Variants in DAB2IP observed in about 807,000 individuals in gnomAD.
DAB2IP encodes the protein DAB2 interacting protein, also known as disabled homolog 2-interacting protein.
A neutral mutation model predicts 107.2 loss-of-function variants in DAB2IP; 28 were observed. That is an observed-to-expected ratio of 0.26 (90% CI 0.19 to 0.36). The LOEUF (loss-of-function observed/expected upper bound fraction) is 0.36, where lower values mean the gene tolerates loss of function less well. DAB2IP is among the 10% of genes least tolerant of loss of function. The pLI is 1.00. For synonymous variants in DAB2IP, 755 were observed against 706.4 expected, an observed-to-expected ratio of 1.07 and a Z score of -1.09; for missense variants, 1,400 against 1,644.7, an observed-to-expected ratio of 0.85 and a Z score of 2.57.
At chr9:121,686,836 C>T (rs1171865618) in intron 2 of DAB2IP, among the ~76,000 whole-genome samples, 2 of 152,194 alleles carry the variant, frequency 1.3e-5, no homozygotes, top group African/African-American at 2.4e-5. Context: ...TCCTCCAGAG[C>T]CCCAGGTAAC....
At position 121,591,709 on chromosome 9, in the gene DAB2IP, C is replaced by T. The variant is rs559063651; in HGVS notation, c.40+24481C>T. On this transcript the variant is annotated intron_variant, in intron 1 of 16. Coordinates refer to the DAB2IP transcript ENST00000259371. The stretch of plus-strand genomic sequence containing the variant: ...TTCTTAGCGAAGTCCAGGCAAGAGA[C>T]CACAGTGTCTGCACTGGGCTGGAGA... Among the ~76,000 whole-genome samples the T allele has an allele frequency of 5.9e-5, 9 of 152,308 alleles. No individual in the cohort carries two copies. The South Asian group carries it at 1.9e-3, about 32-fold the overall frequency.
exon 4 of DAB2IP, chr9:121,757,143 C>G: frequency 6.2e-7 from 1 of 1,614,108 alleles, no homozygotes; most frequent in Admixed American, 1.7e-5. Flanking sequence ...CAGCAGCATC[C>G]TTGGCCAGGA....
At chr9:121,759,391 C>G (rs1223673468) in intron 5 of DAB2IP, among the ~76,000 whole-genome samples, 1 of 152,212 alleles carries the variant, frequency 6.6e-6, no homozygotes, top group Non-Finnish European at 1.5e-5. Context: ...TGTGTTCCCA[C>G]TGCCCCTGGG....
chr9:121,716,903 G>A (rs534853063), intron 3 of DAB2IP, among the ~76,000 whole-genome samples: 1 of 152,190 alleles, frequency 6.6e-6, no homozygotes, highest in African/African-American at 2.4e-5. Context: ...CAGGTTATTT[G>A]GTGAATTTCT....
At chr9:121,711,715 A>G (rs1364851950) in intron 3 of DAB2IP, among the ~76,000 whole-genome samples, 2 of 152,152 alleles carry the variant, frequency 1.3e-5, no homozygotes, top group Non-Finnish European at 2.9e-5. Flanking sequence ...ATTTGAAAAA[A>G]GTCATCCTAG....
At chr9:121,718,842 C>T (rs568166807) in intron 3 of DAB2IP, among the ~76,000 whole-genome samples, 1 of 152,308 alleles carries the variant, frequency 6.6e-6, no homozygotes, top group Non-Finnish European at 1.5e-5. Context: ...TTTGATCATA[C>T]CTGTCTTTCA....
chr9:121,785,185 A>C (rs893299051), exon 16 of DAB2IP: 2 of 152,614 alleles, frequency 1.3e-5, no homozygotes, highest in South Asian at 4.1e-4. Context: ...CTACAGCTCC[A>C]CACGCCCCGG....
chr9:121,653,728 G>A (rs915018105), intron 1 of DAB2IP, among the ~76,000 whole-genome samples: 1 of 151,756 alleles, frequency 6.6e-6, no homozygotes, highest in African/African-American at 2.4e-5. Flanking sequence ...TGGGAGTCTC[G>A]CTCCTGTTCA....
chr9:121,699,267 C>G lies in DAB2IP; in HGVS notation c.229-58C>G. 3 of 1,270,516 alleles carry G rather than the reference C, an allele frequency of 2.4e-6. No homozygotes were observed. In the South Asian group the frequency reaches 5.5e-5, roughly 23 times the overall value. The allele number at this position is 1,270,516 out of a possible 1,614,324, so 78.7% of individuals were successfully genotyped here. On this transcript the variant is annotated intron_variant, in intron 2 of 15. Transcript: ENST00000408936. This position sits in a 1 kb window ranked among gnomAD's most constrained non-coding sequence, Gnocchi z 6.2. ...GGTGCGGGTCCCGCGCGGGTCCCGG[C>G]CCGCCGCCGCCGCGCTAACCCCGCC...
In DAB2IP at chr9:121,698,553, C is replaced by G. The variant is rs538569036; in HGVS notation, c.229-772C>G. The stretch of plus-strand genomic sequence containing the variant: ...TGGGGATACTCAGCAAACCCTTCAG[C>G]CCCTCGGGCCCCTCCCTGAGCTGAG... On this transcript the variant is annotated intron_variant, in intron 2 of 15. Coordinates refer to ENST00000408936, the Ensembl canonical transcript of DAB2IP. The surrounding 1 kb of genome is among the most constrained non-coding windows in gnomAD (Gnocchi z 4.1). Among the ~76,000 whole-genome samples the G allele has an allele frequency of 1.3e-5, 2 of 152,338 alleles. No homozygotes were observed. Among genetic ancestry groups the G allele is most frequent in the East Asian group, 3.9e-4 (2 of 5,176 alleles).
chr9:121,707,300 G>A (rs1198294937), intron 3 of DAB2IP, among the ~76,000 whole-genome samples: 2 of 152,238 alleles, frequency 1.3e-5, no homozygotes, highest in African/African-American at 4.8e-5. Flanking sequence ...GCAAAAGGCA[G>A]CCTGAGAAGG....
intron 1 of DAB2IP, among the ~76,000 whole-genome samples, chr9:121,589,916 C>CTCCCTTCCTT (rs1830390450): frequency 2.1e-5 from 2 of 93,322 alleles, no homozygotes; most frequent in Non-Finnish European, 4.4e-5. Flanking sequence ...CCCAGTCCTG[C>CTCCCTTCCTT]TCCCTTCCCT....
At chr9:121,763,375 C>T in intron 6 of DAB2IP, 130 bp from the exon 7 acceptor site, 3 of 1,329,338 alleles carry the variant, frequency 2.3e-6, no homozygotes, top group Middle Eastern at 2.7e-4. Flanking sequence ...CTGTTCCTCT[C>T]CGGGACCCCC....
intron 3 of DAB2IP, among the ~76,000 whole-genome samples, chr9:121,744,559 A>G (rs1225262187): frequency 4.6e-5 from 7 of 152,198 alleles, no homozygotes; most frequent in Admixed American, 3.9e-4. Flanking sequence ...GGAGGTGACA[A>G]AGGCAGGGCT....
chr9:121,641,438 T>A (rs771073874), intron 1 of DAB2IP, among the ~76,000 whole-genome samples: 17 of 152,212 alleles, frequency 1.1e-4, no homozygotes, highest in Non-Finnish European at 1.9e-4. Context: ...CTCCCATTTA[T>A]GTTCCAGATT....
At chr9:121,674,075 GGCTGCTTCCCT>G (rs1189899432) in intron 1 of DAB2IP, among the ~76,000 whole-genome samples, 4 of 152,242 alleles carry the variant, frequency 2.6e-5, no homozygotes, top group African/African-American at 9.6e-5. Context: ...GGACAGCGGG[GGCTGCTTCCCT>G]GAGGCCCCAT....
At position 121,701,490 on chromosome 9, in the gene DAB2IP, T is replaced by C. The variant is rs1282630171; in HGVS notation, c.362+2032T>C. On this transcript the variant is annotated intron_variant, in intron 3 of 15. Transcript: ENST00000408936. The surrounding 1 kb of genome is among the most constrained non-coding windows in gnomAD (Gnocchi z 4.7). ...CGGTGTGGAATTGTCTTATTAATTT[T>C]CTATAAACAAAATATGGCTTGGTGG... 1.3e-5 allele frequency among the ~76,000 whole-genome samples: 2 copies of C among 152,212 alleles called. No homozygotes were observed. The highest frequency in any genetic ancestry group is 2.9e-5 in the Non-Finnish European group (2 of 68,036).
At chr9:121,588,489 A>G (rs1830352519) in intron 1 of DAB2IP, among the ~76,000 whole-genome samples, 1 of 145,456 alleles carries the variant, frequency 6.9e-6, no homozygotes, top group Non-Finnish European at 1.5e-5. Context: ...AGATCCATCA[A>G]GGGCTGCTCT....
chr9:121,659,997 C>T (rs935777888), intron 1 of DAB2IP, among the ~76,000 whole-genome samples: 6 of 151,798 alleles, frequency 4.0e-5, no homozygotes, highest in African/African-American at 4.8e-5. Context: ...AGCCAGCCCC[C>T]GCCCTCGGGA....
Sources: allele counts gnomAD v4.1 joint callset (sites outside exome capture counted in the v4.1 genomes callset), GRCh38; gene constraint gnomAD v4.1.1; non-coding constraint Gnocchi (gnomAD v3.1); transcripts MANE v1.5; gene names NCBI Gene and HGNC (gene_info 2026-07-23, HGNC 2026-07-21).